ERC2: variants seen among roughly 807,000 people sequenced by gnomAD.
ERC2 encodes ERC protein 2.
In ERC2, 42 loss-of-function variants were observed where a neutral mutation model predicts 114.8. The ratio of observed to expected loss-of-function variants is 0.37; its 90% CI spans 0.29 to 0.47. The LOEUF (loss-of-function observed/expected upper bound fraction) is 0.47, where lower values mean the gene tolerates loss of function less well. ERC2 is among the 20% of genes least tolerant of loss of function. The probability of loss-of-function intolerance (pLI) is 0.99; values close to 1 mark genes in which losing one functional copy is unlikely to be tolerated. For missense variants in ERC2, 939 were observed against 1,150.7 expected (o/e 0.82, Z 2.66); for synonymous variants, 454 against 425.5 (o/e 1.07, Z -0.82).
intron 3 of ERC2, among the ~76,000 whole-genome samples, chr3:56,237,891 C>CTTTTTTTTTTT (rs3054904): frequency 7.1e-6 from 1 of 140,912 alleles, no homozygotes; most frequent in Non-Finnish European, 1.5e-5. Context: ...CTATTTTTTC[C>CTTTTTTTTTTT]TTTTTTTTTT....
At chr3:55,624,117 G>A (rs1210513813) in intron 17 of ERC2, among the ~76,000 whole-genome samples, 1 of 152,152 alleles carries the variant, frequency 6.6e-6, no homozygotes, top group Non-Finnish European at 1.5e-5. Flanking sequence ...TTTCCTAAAG[G>A]AGCATATCTG....
chr3:56,068,177 T>A (rs1212710249), intron 7 of ERC2, among the ~76,000 whole-genome samples: 1 of 152,186 alleles, frequency 6.6e-6, no homozygotes, highest in Non-Finnish European at 1.5e-5. Flanking sequence ...CTGGGCTTTT[T>A]TTGGTTGGCG....
chr3:55,602,571 G>A lies in ERC2; in HGVS notation c.*39+81223C>T, dbSNP rs143409874. Among the ~76,000 whole-genome samples the A allele has an allele frequency of 3.2e-4, 48 of 152,300 alleles. No homozygotes were observed. In the East Asian group the frequency reaches 3.3e-3, roughly 10 times the overall value. ...GTCTCTGCAGGAGAAGCGCTCTGCC[G>A]CTGGGGTTCACTCTGTGGCAGTGTT... is the stretch of plus-strand genomic sequence containing the variant. On this transcript the variant is annotated intron_variant, in intron 17 of 17. Coordinates refer to ENST00000288221, the MANE Select transcript of ERC2 (RefSeq NM_015576.3).
At chr3:55,843,512 C>T (rs968365178) in intron 14 of ERC2, among the ~76,000 whole-genome samples, 2 of 152,202 alleles carry the variant, frequency 1.3e-5, no homozygotes, top group Non-Finnish European at 2.9e-5. Flanking sequence ...CCCAACCACC[C>T]AATGGTGCAA....
At chr3:56,006,191 A>G (rs2149559607) in intron 10 of ERC2, among the ~76,000 whole-genome samples, 1 of 152,216 alleles carries the variant, frequency 6.6e-6, no homozygotes, top group African/African-American at 2.4e-5. Context: ...TGTAAAGTGA[A>G]TACCATATAG....
chr3:56,102,371 A>T (rs1463231724), intron 6 of ERC2, among the ~76,000 whole-genome samples: 2 of 152,152 alleles, frequency 1.3e-5, no homozygotes, highest in Non-Finnish European at 2.9e-5. Flanking sequence ...AAATGTCATG[A>T]TTTTTTCATT....
chr3:55,858,099 A>C (rs1479269621), intron 14 of ERC2, among the ~76,000 whole-genome samples: 1 of 152,206 alleles, frequency 6.6e-6, no homozygotes, highest in Non-Finnish European at 1.5e-5. Context: ...ATACATATAC[A>C]TGCATACACA....
chr3:55,711,814 T>C (rs1320303994), intron 15 of ERC2, among the ~76,000 whole-genome samples: 4 of 152,224 alleles, frequency 2.6e-5, no homozygotes, highest in Non-Finnish European at 5.9e-5. Context: ...CAAAGACGGA[T>C]GCTTAAACAT....
chr3:55,575,901 G>A (rs2056953747), intron 17 of ERC2, among the ~76,000 whole-genome samples: 1 of 152,160 alleles, frequency 6.6e-6, no homozygotes, highest in South Asian at 2.1e-4. Flanking sequence ...CAAGCACGTA[G>A]GTACTTTTCC....
intron 7 of ERC2, among the ~76,000 whole-genome samples, chr3:56,032,925 A>AGAGAG (rs1560056386): frequency 1.2e-5 from 1 of 85,944 alleles, no homozygotes; most frequent in African/African-American, 3.6e-5. Flanking sequence ...GAAAGAAAGA[A>AGAGAG]AGAAAGAAAG....
At chr3:56,163,182 A>C (rs1459484721) in intron 4 of ERC2, among the ~76,000 whole-genome samples, 1 of 152,090 alleles carries the variant, frequency 6.6e-6, no homozygotes, top group Non-Finnish European at 1.5e-5. Context: ...CTTTTGAGAG[A>C]TCTTCTTGGT....
intron 2 of ERC2, among the ~76,000 whole-genome samples, chr3:56,381,708 G>C (rs1266591935): frequency 7.0e-6 from 1 of 142,588 alleles, no homozygotes; most frequent in East Asian, 2.2e-4. Context: ...GAAGGAAAGA[G>C]AGAGAAAGGA....
intron 17 of ERC2, among the ~76,000 whole-genome samples, chr3:55,537,746 A>G (rs1190317508): frequency 1.3e-5 from 2 of 152,214 alleles, no homozygotes; most frequent in Non-Finnish European, 2.9e-5. Context: ...CTTAGAAACC[A>G]AAGTCCTGCT....
intron 13 of ERC2, among the ~76,000 whole-genome samples, chr3:55,933,106 G>A (rs1463126392): frequency 6.6e-6 from 1 of 152,016 alleles, no homozygotes; most frequent in Non-Finnish European, 1.5e-5. Flanking sequence ...CTACTCGAGA[G>A]GCTGAGGCAG....
chr3:55,830,127 C>G (rs2060504964), intron 14 of ERC2, among the ~76,000 whole-genome samples: 1 of 152,266 alleles, frequency 6.6e-6, no homozygotes, highest in Middle Eastern at 3.4e-3. Context: ...AAAACAATGA[C>G]TGAAATGACT....
intron 14 of ERC2, among the ~76,000 whole-genome samples, chr3:55,797,020 A>T (rs1487256079): frequency 6.6e-6 from 1 of 152,232 alleles, no homozygotes; most frequent in African/African-American, 2.4e-5. Flanking sequence ...GAAAACATCT[A>T]GAATGTAAGA....
At chr3:56,008,521 G>A (rs1022094612) in intron 9 of ERC2, among the ~76,000 whole-genome samples, 1 of 152,150 alleles carries the variant, frequency 6.6e-6, no homozygotes, top group Non-Finnish European at 1.5e-5. Flanking sequence ...TCATGGTGAA[G>A]ACATATCTTC....
rs1475485031 is a variant in ERC2 at position 56,254,803 on chromosome 3, T to C, written c.1074+41216A>G. Among the ~76,000 whole-genome samples, 5 of 152,334 alleles carry C rather than the reference T, an allele frequency of 3.3e-5. No individual in the cohort carries two copies. In the East Asian group the frequency reaches 9.6e-4, roughly 29 times the overall value. Reference sequence around the variant, plus strand: ...ATAGTCTCTGCCTCACAATATTAAATAATTGTACATACTTCCCAAATTAAG... The same window carrying C: ...ATAGTCTCTGCCTCACAATATTAAACAATTGTACATACTTCCCAAATTAAG... On this transcript the variant is annotated intron_variant, in intron 3 of 17. Coordinates refer to ENST00000288221, the MANE Select transcript of ERC2 (RefSeq NM_015576.3).
intron 3 of ERC2, among the ~76,000 whole-genome samples, chr3:56,241,977 A>T (rs1262311719): frequency 1.3e-5 from 2 of 152,194 alleles, no homozygotes; most frequent in Non-Finnish European, 2.9e-5. Context: ...ATTACAAGAG[A>T]CAGAATGGCC....
Sources: gnomAD v4.1 joint callset for allele counts (sites outside exome capture counted in the v4.1 genomes callset) on GRCh38, gnomAD v4.1.1 for gene constraint, MANE v1.5 for transcripts, NCBI Gene and HGNC (gene_info 2026-07-23, HGNC 2026-07-21) for gene names.